The following ARHGAP15 variants were observed in gnomAD, a reference collection of about 807,000 sequenced individuals.
ARHGAP15 encodes Rho GTPase activating protein 15.
In ARHGAP15, 51 loss-of-function variants were observed where a neutral mutation model predicts 63.7. The ratio of observed to expected loss-of-function variants is 0.80; its 90% CI spans 0.64 to 1.01. The LOEUF (loss-of-function observed/expected upper bound fraction) is 1.01. Among genes scored for constraint, ARHGAP15 ranks in the 50% least tolerant of loss-of-function variants. The probability of loss-of-function intolerance (pLI) is 0.00; values close to 1 mark genes in which losing one functional copy is unlikely to be tolerated. For missense variants in ARHGAP15, 560 were observed against 564.6 expected (o/e 0.99, Z 0.08); for synonymous variants, 191 against 193.8 (o/e 0.99, Z 0.12).
intron 6 of ARHGAP15, among the ~76,000 whole-genome samples, chr2:143,319,656 C>T (rs536541635): frequency 2.8e-4 from 42 of 152,282 alleles, no homozygotes; most frequent in African/African-American, 1.0e-3. Context: ...AAACTCTTTT[C>T]TGATCTGCAC....
chr2:143,446,806 C>G (rs187201577), intron 8 of ARHGAP15, among the ~76,000 whole-genome samples: 14,379 of 133,904 alleles, frequency 0.11, 986 homozygotes, highest in African/African-American at 0.21. Flanking sequence ...AGTCCCCAGA[C>G]TGTGATGTTC....
At chr2:143,383,490 A>G (rs1401990818) in intron 6 of ARHGAP15, among the ~76,000 whole-genome samples, 3 of 152,224 alleles carry the variant, frequency 2.0e-5, no homozygotes, top group African/African-American at 4.8e-5. Context: ...CTATAAACCT[A>G]TGTGGAATCC....
chr2:143,387,460 T>C (rs1687333823), intron 6 of ARHGAP15, among the ~76,000 whole-genome samples: 1 of 152,212 alleles, frequency 6.6e-6, no homozygotes, highest in Non-Finnish European at 1.5e-5. Context: ...ACTGATAATA[T>C]AAATACCAAT....
chr2:143,742,114 G>C (rs1685985117), intron 13 of ARHGAP15, among the ~76,000 whole-genome samples: 1 of 152,110 alleles, frequency 6.6e-6, no homozygotes, highest in Non-Finnish European at 1.5e-5. Flanking sequence ...GATTTCCCCT[G>C]GGACCAACTG....
intron 6 of ARHGAP15, among the ~76,000 whole-genome samples, chr2:143,411,622 T>C (rs1688449746): frequency 6.6e-6 from 1 of 152,188 alleles, no homozygotes; most frequent in South Asian, 2.1e-4. Context: ...GTAATAACTT[T>C]TGAATAAATT....
intron 6 of ARHGAP15, among the ~76,000 whole-genome samples, chr2:143,314,832 T>C (rs1025873578): frequency 6.8e-6 from 1 of 147,160 alleles, no homozygotes; most frequent in African/African-American, 2.7e-5. Flanking sequence ...AGATAATGAA[T>C]GACATCACAA....
chr2:143,139,710 G>A (rs1422595075), intron 1 of ARHGAP15, among the ~76,000 whole-genome samples: 1 of 152,090 alleles, frequency 6.6e-6, no homozygotes, highest in African/African-American at 2.4e-5. Flanking sequence ...GGACACAGAA[G>A]GGCTAGGACA....
chr2:143,492,174 G>T (rs775023835), intron 9 of ARHGAP15, among the ~76,000 whole-genome samples: 2 of 152,080 alleles, frequency 1.3e-5, no homozygotes, highest in Non-Finnish European at 2.9e-5. Flanking sequence ...GAGCCACCGC[G>T]CCTGGCCCTG....
chr2:143,638,923 TTTA>T (rs1680475769), intron 12 of ARHGAP15, among the ~76,000 whole-genome samples: 1 of 152,066 alleles, frequency 6.6e-6, no homozygotes, highest in Admixed American at 6.6e-5. Flanking sequence ...ACTATTTAAG[TTTA>T]TTTTTATAAT....
chr2:143,649,136 C>A (rs1214676182), intron 12 of ARHGAP15, among the ~76,000 whole-genome samples: 1 of 151,910 alleles, frequency 6.6e-6, no homozygotes, highest in South Asian at 2.1e-4. Flanking sequence ...AGCAAAACCT[C>A]TCTCTAGCAA....
At chr2:143,299,171 CT>C (rs1006521627) in intron 6 of ARHGAP15, among the ~76,000 whole-genome samples, 149 of 151,930 alleles carry the variant, frequency 9.8e-4, no homozygotes, top group African/African-American at 3.5e-3. Flanking sequence ...AAGGATTAAA[CT>C]TTTTTTATTC....
At chr2:143,278,022 T>C (rs1171623384) in intron 6 of ARHGAP15, among the ~76,000 whole-genome samples, 19 of 152,196 alleles carry the variant, frequency 1.2e-4, no homozygotes, top group Admixed American at 1.2e-3. Context: ...GTTACATTTA[T>C]ATTTTTTAAA....
chr2:143,717,853 CTTTT>C (rs796879427), intron 13 of ARHGAP15, among the ~76,000 whole-genome samples: 2 of 138,450 alleles, frequency 1.4e-5, no homozygotes, highest in African/African-American at 2.6e-5. Flanking sequence ...CTTAAAGTGG[CTTTT>C]TTTTTTTTTT....
rs142289281 is a variant in ARHGAP15 at position 143,562,134 on chromosome 2, A to G, written c.1003+5649A>G. Among the ~76,000 whole-genome samples, 8 of 152,334 alleles carry G rather than the reference A, an allele frequency of 5.3e-5. No individual in the cohort carries two copies. The East Asian group carries it at 1.5e-3, about 29-fold the overall frequency. On this transcript the variant is annotated intron_variant, in intron 11 of 13. Coordinates refer to ENST00000295095, the MANE Select transcript of ARHGAP15 (RefSeq NM_018460.4). ...ATTAAAAACAAACTATTAGAAAAACAATTTTGTTTTTATCAACTGTACCTA... is the reference window on the plus strand; with the variant it reads ...ATTAAAAACAAACTATTAGAAAAACGATTTTGTTTTTATCAACTGTACCTA...
intron 12 of ARHGAP15, among the ~76,000 whole-genome samples, chr2:143,679,840 A>T (rs976722660): frequency 2.6e-5 from 4 of 152,062 alleles, no homozygotes; most frequent in Non-Finnish European, 5.9e-5. Context: ...ATCATTCAGT[A>T]TCAGGGAGAG....
intron 11 of ARHGAP15, among the ~76,000 whole-genome samples, chr2:143,615,698 C>T (rs1348793648): frequency 2.0e-5 from 3 of 152,050 alleles, no homozygotes; most frequent in Non-Finnish European, 2.9e-5. Flanking sequence ...TATTTGCAAA[C>T]GTAATATAAC....
At position 143,556,471 on chromosome 2, in the gene ARHGAP15, T is replaced by C; in HGVS notation, c.989T>C (p.Phe330Ser). ...CTGGCAACAATACAGAAGTTAAGAT[T>C]TATTGTCAACCAAGGTAAGTGATTT... ...GNLATIQKLR[F>S]IVNQEEKLNL... The change falls in exon 11 of 14, where the codon TTT becomes TCT. Residue 330 changes from phenylalanine to serine, a missense_variant. By Grantham distance (155) the Phe-to-Ser change is radical. Coordinates refer to ENST00000295095, the MANE Select transcript of ARHGAP15 (RefSeq NM_018460.4). 1 of 1,611,750 alleles carries C rather than the reference T, an allele frequency of 6.2e-7. No homozygotes were observed. Among genetic ancestry groups the C allele is most frequent in the Non-Finnish European group, 8.5e-7 (1 of 1,178,526 alleles).
chr2:143,543,404 G>C (rs1421321075), intron 10 of ARHGAP15, among the ~76,000 whole-genome samples: 1 of 151,704 alleles, frequency 6.6e-6, no homozygotes, highest in Non-Finnish European at 1.5e-5. Context: ...GTTGTTTTTT[G>C]GTTGTTTGGT....
At chr2:143,703,366 T>C in intron 12 of ARHGAP15, 53 bp from the exon 13 acceptor site, 1 of 1,481,656 alleles carries the variant, frequency 6.7e-7, no homozygotes, top group Non-Finnish European at 9.2e-7. Flanking sequence ...CATGTACCTG[T>C]ACCTATGAAA....
Sources: allele counts gnomAD v4.1 joint callset (sites outside exome capture counted in the v4.1 genomes callset), GRCh38; gene constraint gnomAD v4.1.1; transcripts MANE v1.5; gene names NCBI Gene and HGNC (gene_info 2026-07-23, HGNC 2026-07-21).